Variants in TENM2 observed in about 807,000 individuals in gnomAD.
TENM2 encodes the protein teneurin-2.
TENM2 carries 52 observed loss-of-function variants against 245.2 expected under a neutral mutation model. That is an observed-to-expected ratio of 0.21 (90% CI 0.17 to 0.27). TENM2 has a LOEUF of 0.27. TENM2 is among the 10% of genes least tolerant of loss of function. TENM2 has a pLI of 1.00. For synonymous variants in TENM2, 1,363 were observed against 1,438.9 expected (o/e 0.95, Z 1.19); for missense variants, 3,046 against 3,666.8 (o/e 0.83, Z 4.37).
At chr5:168,010,294 G>A (rs1785127210) in intron 5 of TENM2, among the ~76,000 whole-genome samples, 2 of 152,190 alleles carry the variant, frequency 1.3e-5, no homozygotes, top group Admixed American at 6.5e-5. Flanking sequence ...AAGGAAACCT[G>A]CCCTTGGGAA....
At chr5:167,623,295 A>G (rs910903920) in intron 2 of TENM2, among the ~76,000 whole-genome samples, 45 of 152,152 alleles carry the variant, frequency 3.0e-4, no homozygotes, top group African/African-American at 1.1e-3. Context: ...GTTCAGCAAC[A>G]TGATTTTGAC....
the TENM2 span, among the ~76,000 whole-genome samples, chr5:167,269,382 C>T: frequency 6.6e-6 from 1 of 152,064 alleles, no homozygotes. Flanking sequence ...GGTCCCTGCC[C>T]TCACAGAAAA....
chr5:167,688,724 A>G (rs1490617163), intron 2 of TENM2, among the ~76,000 whole-genome samples: 3 of 152,232 alleles, frequency 2.0e-5, no homozygotes, highest in Non-Finnish European at 2.9e-5. Context: ...CTTCCACCTT[A>G]AAGAAATGGA....
intron 2 of TENM2, among the ~76,000 whole-genome samples, chr5:167,768,990 G>T (rs1395701880): frequency 6.6e-6 from 1 of 152,172 alleles, no homozygotes; most frequent in East Asian, 1.9e-4. Context: ...TCAAAAATCT[G>T]AAATAGTGTT....
At chr5:167,656,617 T>A (rs1754859067) in intron 2 of TENM2, among the ~76,000 whole-genome samples, 1 of 149,420 alleles carries the variant, frequency 6.7e-6, no homozygotes, top group Admixed American at 6.6e-5. Flanking sequence ...AGCATAAAAC[T>A]TTTTTTTTGA....
intron 7 of TENM2, among the ~76,000 whole-genome samples, chr5:168,081,988 G>A (rs909448933): frequency 2.6e-5 from 4 of 152,120 alleles, no homozygotes; most frequent in African/African-American, 7.2e-5. Flanking sequence ...GCCTTGCTAG[G>A]TTGGGAAAGT....
chr5:167,096,974 A>G, the TENM2 span, among the ~76,000 whole-genome samples: 1 of 152,014 alleles, frequency 6.6e-6, no homozygotes, highest in Non-Finnish European at 1.5e-5. Flanking sequence ...TTTGTCCGTG[A>G]TCTAGTCAGC....
intron 1 of TENM2, among the ~76,000 whole-genome samples, chr5:167,321,806 G>T (rs1299492431): frequency 3.2e-4 from 3 of 9,326 alleles, no homozygotes; most frequent in African/African-American, 5.8e-4. Flanking sequence ...TTTTTTGGGG[G>T]GGGGGGCGGG....
intron 1 of TENM2, among the ~76,000 whole-genome samples, chr5:167,329,085 G>A (rs922152517): frequency 2.0e-5 from 3 of 152,152 alleles, no homozygotes; most frequent in African/African-American, 7.2e-5. Context: ...TTGGCCATTT[G>A]AAAACAGGTC....
chr5:167,849,934 C>G (rs566125443), intron 2 of TENM2, among the ~76,000 whole-genome samples: 1 of 152,226 alleles, frequency 6.6e-6, no homozygotes, highest in African/African-American at 2.4e-5. Flanking sequence ...TCCCCAAATC[C>G]TATTCGTTTT....
the TENM2 span, among the ~76,000 whole-genome samples, chr5:167,259,261 A>C: frequency 6.6e-6 from 1 of 152,160 alleles, no homozygotes; most frequent in Non-Finnish European, 1.5e-5. Flanking sequence ...GACATTGAAG[A>C]TGAGAGATCT....
chr5:167,215,953 A>G, the TENM2 span, among the ~76,000 whole-genome samples: 1 of 152,200 alleles, frequency 6.6e-6, no homozygotes, highest in Non-Finnish European at 1.5e-5. Flanking sequence ...TGTACAATTC[A>G]GTGATTTTCA....
chr5:167,040,135 C>T, the TENM2 span, among the ~76,000 whole-genome samples: 32 of 152,170 alleles, frequency 2.1e-4, no homozygotes, highest in East Asian at 6.1e-3. Context: ...CAAATCTCCT[C>T]ATCTTGTACT....
At chr5:167,327,069 C>G (rs1757132329) in intron 1 of TENM2, among the ~76,000 whole-genome samples, 1 of 152,122 alleles carries the variant, frequency 6.6e-6, no homozygotes, top group South Asian at 2.1e-4. Flanking sequence ...TGCATGTGCA[C>G]AACATGCAGG....
intron 9 of TENM2, among the ~76,000 whole-genome samples, chr5:168,113,809 C>G (rs1416608738): frequency 1.3e-5 from 2 of 152,080 alleles, no homozygotes; most frequent in African/African-American, 4.8e-5. Flanking sequence ...CAGGAATAGT[C>G]AATTTGTACA....
chr5:167,167,331 C>T, the TENM2 span, among the ~76,000 whole-genome samples: 1 of 152,186 alleles, frequency 6.6e-6, no homozygotes, highest in East Asian at 1.9e-4. Context: ...CCCATTTGTT[C>T]ACGCCCCAGG....
At chr5:167,520,231 A>G (rs1197570542) in intron 2 of TENM2, among the ~76,000 whole-genome samples, 1 of 152,208 alleles carries the variant, frequency 6.6e-6, no homozygotes, top group Non-Finnish European at 1.5e-5. Flanking sequence ...GCATTAGACT[A>G]GGTCTCATTG....
chr5:167,831,715 A>C (rs1768513691), intron 2 of TENM2, among the ~76,000 whole-genome samples: 1 of 152,088 alleles, frequency 6.6e-6, no homozygotes, highest in Non-Finnish European at 1.5e-5. Context: ...AATTTTCCCA[A>C]CAGTTCTTTC....
At chr5:168,039,602 C>T (rs1034606912) in intron 5 of TENM2, among the ~76,000 whole-genome samples, 2 of 152,018 alleles carry the variant, frequency 1.3e-5, no homozygotes, top group Non-Finnish European at 2.9e-5. Flanking sequence ...TGGGAAACGA[C>T]ACTCTGTGCG....
Sources: gnomAD v4.1 joint callset for allele counts (sites outside exome capture counted in the v4.1 genomes callset) on GRCh38, gnomAD v4.1.1 for gene constraint, MANE v1.5 for transcripts, NCBI Gene and HGNC (gene_info 2026-07-23, HGNC 2026-07-21) for gene names.